STK38: variants seen among roughly 807,000 people sequenced by gnomAD.
STK38 encodes the protein serine/threonine-protein kinase 38.
STK38 carries 26 observed loss-of-function variants against 59.0 expected under a neutral mutation model. The observed-to-expected ratio is 0.44, with a 90% CI of 0.32 to 0.61. The LOEUF (loss-of-function observed/expected upper bound fraction) is 0.61. STK38 is among the 20% of genes least tolerant of loss of function. The pLI, the probability that STK38 is intolerant of heterozygous loss-of-function variation, is 0.04. For synonymous variants in STK38, 175 were observed against 176.6 expected (o/e 0.99, Z 0.07); for missense variants, 433 against 566.0 (o/e 0.76, Z 2.38).
chr6:36,501,422 T>G (rs1485535483), intron 9 of STK38, among the ~76,000 whole-genome samples: 1 of 152,184 alleles, frequency 6.6e-6, no homozygotes. Flanking sequence ...AAATTACAGT[T>G]GTATTGTTTT....
At chr6:36,512,965 A>T (rs1312173272) in intron 7 of STK38, among the ~76,000 whole-genome samples, 1 of 151,192 alleles carries the variant, frequency 6.6e-6, no homozygotes, top group African/African-American at 2.4e-5. Context: ...TGGCCAGCGT[A>T]ATTTTTCTTC....
At chr6:36,529,007 T>C (rs1777604242) in intron 2 of STK38, among the ~76,000 whole-genome samples, 3 of 151,986 alleles carry the variant, frequency 2.0e-5, no homozygotes, top group Admixed American at 2.0e-4. Context: ...TTAGAGAAAG[T>C]ATCCAGAAAA....
intron 2 of STK38, among the ~76,000 whole-genome samples, chr6:36,536,997 C>T (rs1194297836): frequency 2.6e-5 from 4 of 151,796 alleles, no homozygotes; most frequent in African/African-American, 9.7e-5. Flanking sequence ...AAGCCACAGA[C>T]TGGGAGAGAT....
rs201669751 is a variant in STK38, at chr6:36,524,477, A to T, written c.184-14T>A. ...CCGGAGTCGTTTCTAATATTTAAAT[A>T]AAAAAGGGAGGAGACGGGAAGGAAC... On this transcript the variant is annotated splice_polypyrimidine_tract_variant and intron_variant, in intron 3 of 13. Coordinates refer to ENST00000229812, the MANE Select transcript of STK38 (RefSeq NM_007271.4). The T allele has an allele frequency of 6.3e-7, 1 of 1,585,354 alleles. No individual in the cohort carries two copies. Among genetic ancestry groups the T allele is most frequent in the Non-Finnish European group, 8.5e-7 (1 of 1,171,220 alleles).
chr6:36,527,206 AAAT>A (rs1359452299), intron 2 of STK38, among the ~76,000 whole-genome samples: 1 of 126,060 alleles, frequency 7.9e-6, no homozygotes, highest in Non-Finnish European at 1.6e-5. Context: ...AAAAAAAAAA[AAAT>A]ATATGTATAT....
chr6:36,503,644 A>G (rs1365161146), intron 9 of STK38, among the ~76,000 whole-genome samples: 1 of 152,174 alleles, frequency 6.6e-6, no homozygotes, highest in Non-Finnish European at 1.5e-5. Context: ...ATGTAAATCT[A>G]AGCAGATCTT....
At chr6:36,529,165 C>T (rs1319055458) in intron 2 of STK38, among the ~76,000 whole-genome samples, 1 of 152,148 alleles carries the variant, frequency 6.6e-6, no homozygotes, top group Non-Finnish European at 1.5e-5. Context: ...TGGTTAGATT[C>T]ATGGTGGCAT....
intron 1 of STK38, 64 bp from the exon 2 acceptor site, chr6:36,540,271 C>T (rs1777902226): frequency 5.2e-6 from 8 of 1,537,222 alleles, no homozygotes; most frequent in Non-Finnish European, 7.1e-6. Context: ...GTGCACTCTC[C>T]TACCCTATTG....
Position 36,540,103 on chromosome 6 carries a change from G to C in STK38, c.100C>G (p.Leu34Val), listed in dbSNP as rs772801812. ...KVTLENFYSNLIAQHEEREMR... is the reference protein window; with the variant it reads ...KVTLENFYSNVIAQHEEREMR... ...TCTCGTTCTTCATGTTGAGCGATAA[G>C]GTTGCTATAAAAATTCTCCAGTGTC... The change falls in exon 2 of 14, where the codon CTT (leucine) becomes GTT (valine). Residue 34 changes from leucine (L) to valine (V), a missense_variant. Coordinates refer to ENST00000229812, the MANE Select transcript of STK38 (RefSeq NM_007271.4). 6.2e-7 allele frequency: 1 copy of C among 1,614,008 alleles called. No homozygotes were observed.
At chr6:36,547,024 G>A (rs1231247417) in intron 1 of STK38, among the ~76,000 whole-genome samples, 166 bp downstream of exon 1, 2 of 152,202 alleles carry the variant, frequency 1.3e-5, no homozygotes, top group African/African-American at 4.8e-5. Flanking sequence ...GGGAAGAAGG[G>A]GGTTAAGGAG....
intron 1 of STK38, among the ~76,000 whole-genome samples, chr6:36,545,188 G>A (rs1466001979): frequency 6.6e-6 from 1 of 150,770 alleles, no homozygotes; most frequent in Non-Finnish European, 1.5e-5. Context: ...AGCTACTTGG[G>A]AGGCTGAGGC....
At chr6:36,539,813 G>C (rs544207018) in intron 2 of STK38, among the ~76,000 whole-genome samples, 110 of 148,970 alleles carry the variant, frequency 7.4e-4, no homozygotes, top group Middle Eastern at 6.8e-3. Context: ...CAAATTCCTG[G>C]GCTAAAGCAA....
intron 8 of STK38, 95 bp downstream of exon 8, chr6:36,507,405 T>G: frequency 2.8e-5 from 28 of 1,016,020 alleles, no homozygotes; most frequent in Middle Eastern, 2.5e-4. Context: ...ACTCAAAGTG[T>G]GAGAATCTCC....
At chr6:36,508,631 C>G (rs1265924402) in intron 7 of STK38, among the ~76,000 whole-genome samples, 1 of 152,246 alleles carries the variant, frequency 6.6e-6, no homozygotes, top group African/African-American at 2.4e-5. Flanking sequence ...GATGCCTTTA[C>G]CCGAGTTTTG....
intron 2 of STK38, among the ~76,000 whole-genome samples, chr6:36,526,497 C>T (rs759630015): frequency 2.0e-5 from 3 of 152,288 alleles, no homozygotes; most frequent in South Asian, 2.1e-4. Context: ...TGGTAGCTCA[C>T]GCCTGTGATC....
chr6:36,532,612 C>T (rs759764363), intron 2 of STK38, among the ~76,000 whole-genome samples: 6 of 151,960 alleles, frequency 3.9e-5, no homozygotes, highest in Non-Finnish European at 7.4e-5. Context: ...CCCATCTATA[C>T]TAAAAATACA....
chr6:36,519,217 G>GT (rs1777325374), intron 5 of STK38, among the ~76,000 whole-genome samples: 1 of 152,072 alleles, frequency 6.6e-6, no homozygotes, highest in African/African-American at 2.4e-5. Flanking sequence ...TGGTATTGGG[G>GT]TGGGAAAAAA....
intron 6 of STK38, among the ~76,000 whole-genome samples, chr6:36,517,417 ACAGGAGAG>A (rs761512099): frequency 6.6e-6 from 1 of 152,170 alleles, no homozygotes; most frequent in Non-Finnish European, 1.5e-5. Flanking sequence ...ATTCCCATTG[ACAGGAGAG>A]CAGGCAGAGC....
intron 6 of STK38, among the ~76,000 whole-genome samples, chr6:36,516,760 T>C (rs1777264544): frequency 6.6e-6 from 1 of 152,144 alleles, no homozygotes; most frequent in Admixed American, 6.5e-5. Flanking sequence ...CCCAGATGAT[T>C]GGAGAGCTCA....
Sources: gnomAD v4.1 joint callset for allele counts (sites outside exome capture counted in the v4.1 genomes callset) on GRCh38, gnomAD v4.1.1 for gene constraint, MANE v1.5 for transcripts, NCBI Gene and HGNC (gene_info 2026-07-23, HGNC 2026-07-21) for gene names.